TCF12: variants seen among roughly 807,000 people sequenced by gnomAD.
TCF12 encodes transcription factor 12.
Under a neutral mutation model 86.0 loss-of-function variants are expected in TCF12, and 45 were observed. That is an observed-to-expected ratio of 0.52 (90% confidence interval 0.41 to 0.67). The LOEUF is 0.67. TCF12 is among the 30% of genes least tolerant of loss of function. The pLI is 0.00. For missense variants in TCF12, 881 were observed against 859.9 expected, an observed-to-expected ratio of 1.02 and a Z score of -0.31; for synonymous variants, 330 against 299.6, an observed-to-expected ratio of 1.10 and a Z score of -1.05.
intron 3 of TCF12, among the ~76,000 whole-genome samples, chr15:57,014,254 T>A (rs537118017): frequency 6.6e-6 from 1 of 152,304 alleles, no homozygotes; most frequent in South Asian, 2.1e-4. Context: ...GTGTTATGTG[T>A]TCACTCAGCT....
At chr15:57,231,107 T>C (rs775572153) in intron 8 of TCF12, 45 bp from the exon 9 acceptor site, 6 of 1,436,254 alleles carry the variant, frequency 4.2e-6, no homozygotes, top group Non-Finnish European at 5.9e-6. Flanking sequence ...ATAAGTAATA[T>C]GATAGTCATT....
At chr15:57,029,144 G>T (rs1391026685) in intron 3 of TCF12, among the ~76,000 whole-genome samples, 1 of 152,038 alleles carries the variant, frequency 6.6e-6, no homozygotes, top group Non-Finnish European at 1.5e-5. Context: ...TTTACATTGT[G>T]AAAGAGTGGT....
intron 3 of TCF12, among the ~76,000 whole-genome samples, chr15:57,060,438 A>G (rs2068375570): frequency 6.6e-6 from 1 of 152,226 alleles, no homozygotes; most frequent in Non-Finnish European, 1.5e-5. Flanking sequence ...GGAAAAAAAT[A>G]ATTTACGTCT....
intron 4 of TCF12, chr15:57,072,597 G>C: frequency 2.5e-6 from 3 of 1,178,526 alleles, no homozygotes; most frequent in Non-Finnish European, 3.3e-6. Flanking sequence ...TTCAAATACA[G>C]TAATTAGAAA....
At chr15:57,179,771 T>A (rs2056206669) in intron 6 of TCF12, among the ~76,000 whole-genome samples, 1 of 152,186 alleles carries the variant, frequency 6.6e-6, no homozygotes, top group Non-Finnish European at 1.5e-5. Context: ...TCAGGTTTTC[T>A]TTCACTTTGT....
At chr15:57,176,775 A>G (rs1265379796) in intron 6 of TCF12, among the ~76,000 whole-genome samples, 1 of 152,184 alleles carries the variant, frequency 6.6e-6, no homozygotes, top group Non-Finnish European at 1.5e-5. Flanking sequence ...AAAGGTCAAG[A>G]TATTGGTTGT....
At chr15:57,254,874 A>AAAAAAAAAAAAAG (rs1555410242) in intron 16 of TCF12, among the ~76,000 whole-genome samples, 3 of 108,848 alleles carry the variant, frequency 2.8e-5, no homozygotes, top group African/African-American at 2.9e-5. Flanking sequence ...AAAAAAAAAA[A>AAAAAAAAAAAAAG]AAAGAAAGAA....
chr15:57,173,908 A>C, intron 6 of TCF12, among the ~76,000 whole-genome samples: 1 of 152,110 alleles, frequency 6.6e-6, no homozygotes. Context: ...GGGTTTCACC[A>C]TATTGGCCAG....
chr15:56,999,456 G>A (rs2063895773), intron 3 of TCF12, among the ~76,000 whole-genome samples: 1 of 152,150 alleles, frequency 6.6e-6, no homozygotes, highest in Non-Finnish European at 1.5e-5. Flanking sequence ...AAGGATAAGT[G>A]ATACTAAAAA....
intron 5 of TCF12, among the ~76,000 whole-genome samples, chr15:57,112,190 G>C (rs868770013): frequency 1.3e-5 from 2 of 152,214 alleles, no homozygotes; most frequent in Non-Finnish European, 2.9e-5. Context: ...TAGCTCTCTA[G>C]ATTTGGGTAG....
At chr15:57,044,996 C>G (rs1454968067) in intron 3 of TCF12, among the ~76,000 whole-genome samples, 1 of 152,070 alleles carries the variant, frequency 6.6e-6, no homozygotes, top group Non-Finnish European at 1.5e-5. Context: ...TCACTAAATG[C>G]TTATTGAGTA....
Position 57,253,276 on chromosome 15 carries a change from G to A in TCF12, c.1275G>A (p.Glu425=), listed in dbSNP as rs1465104469. The A allele has an allele frequency of 6.2e-7, 1 of 1,613,898 alleles. No homozygotes were observed. The highest frequency in any genetic ancestry group is 8.5e-7 in the Non-Finnish European group (1 of 1,179,900). Residue 425 remains glutamate (E), a synonymous_variant, in exon 16 of 21, where the codon GAG becomes GAA. Transcript: ENST00000333725. ...AATCCATACAGCAGTCTCGAATGGA[G>A]GATCGTTTAGACAGACTGGATGATG... ...LKDVCEQSRM[E]DRLDRLDDAI... is the part of the protein sequence containing the mutation.
intron 5 of TCF12, among the ~76,000 whole-genome samples, chr15:57,129,070 A>G (rs1007791299): frequency 4.6e-5 from 7 of 152,188 alleles, no homozygotes; most frequent in African/African-American, 1.7e-4. Context: ...ACCAGGTAAT[A>G]TAACTCTGGT....
At chr15:57,024,801 A>G (rs2065721826) in intron 3 of TCF12, among the ~76,000 whole-genome samples, 1 of 152,202 alleles carries the variant, frequency 6.6e-6, no homozygotes, top group South Asian at 2.1e-4. Context: ...TAAAAGAACC[A>G]TGCACATTCG....
rs1387814152 is a variant in TCF12 at position 57,289,611 on chromosome 15, GTGTGTGTGTGTGTC to G, written c.*3479_*3492del. The G allele has an allele frequency of 6.6e-6, 1 of 151,888 alleles. No homozygotes were observed. The highest frequency in any genetic ancestry group is 1.5e-5 in the Non-Finnish European group (1 of 68,018). The allele number at this position is 151,888 out of a possible 1,614,324, so 9.4% of individuals were successfully genotyped here. ...AAATTTAAACACACGTCGTGTGTGTGTGTGTGTGTGTGTCTGTGTGTGTGTGACTTAAAGAATCT... is the reference window on the plus strand; with the variant it reads ...AAATTTAAACACACGTCGTGTGTGTGTGTGTGTGTGTGACTTAAAGAATCT... On this transcript the variant is annotated 3_prime_UTR_variant, in exon 21 of 21. Coordinates refer to ENST00000333725, the MANE Select transcript of TCF12 (RefSeq NM_207037.2).
rs2064508819 is a variant in TCF12, at chr15:57,007,800, T to TTCTTTCTTTCTCTCTCTCTC, written c.149-55939_149-55938insCTCTCTCTCTCTTTCTTTCT. 2.2e-5 allele frequency among the ~76,000 whole-genome samples: 3 copies of TTCTTTCTTTCTCTCTCTCTC among 133,492 alleles called. 1 individual carries two copies. Among genetic ancestry groups the TTCTTTCTTTCTCTCTCTCTC allele is most frequent in the African/African-American group, 8.0e-5 (3 of 37,306 alleles). 87.6% of individuals were successfully genotyped at this position (133,492 alleles called of 152,430 possible). A position where few individuals can be genotyped will look rare whatever the true frequency, so the allele number is the denominator to read the frequency against. Reference sequence around the variant, plus strand: ...TTTCTTTCTTTCTTTCTCTCTTTCTTTCTTTCTTTCTTTCTTTCTTTTTCT... The same window carrying TTCTTTCTTTCTCTCTCTCTC: ...TTTCTTTCTTTCTTTCTCTCTTTCTTTCTTTCTTTCTCTCTCTCTCTCTTTCTTTCTTTCTTTCTTTTTCT... On this transcript the variant is annotated intron_variant, in intron 3 of 20. Coordinates refer to ENST00000333725, the MANE Select transcript of TCF12 (RefSeq NM_207037.2).
chr15:57,262,980 C>A (rs1024509153), intron 17 of TCF12, 132 bp from the exon 18 acceptor site: 2 of 867,220 alleles, frequency 2.3e-6, no homozygotes, highest in Non-Finnish European at 1.7e-6. Flanking sequence ...TACTTTCCTA[C>A]ATCTTCAAAC....
intron 8 of TCF12, among the ~76,000 whole-genome samples, chr15:57,205,503 A>G (rs1282958257): frequency 6.6e-6 from 1 of 152,148 alleles, no homozygotes; most frequent in Non-Finnish European, 1.5e-5. Context: ...ACACACAACA[A>G]CTGTATATAC....
At chr15:57,158,639 A>AT in intron 5 of TCF12, among the ~76,000 whole-genome samples, 1 of 152,218 alleles carries the variant, frequency 6.6e-6, no homozygotes, top group East Asian at 1.9e-4. Context: ...CTGGTGCAAA[A>AT]TTAAGATGGC....
Sources: gnomAD v4.1 joint callset for allele counts (sites outside exome capture counted in the v4.1 genomes callset) on GRCh38, gnomAD v4.1.1 for gene constraint, MANE v1.5 for transcripts, NCBI Gene and HGNC (gene_info 2026-07-23, HGNC 2026-07-21) for gene names.